The following MYO7B variants were observed in gnomAD, a reference collection of about 807,000 sequenced individuals.
MYO7B encodes the protein myosin VIIB, also known as unconventional myosin-VIIb.
Under a neutral mutation model 259.7 loss-of-function variants are expected in MYO7B, and 212 were observed. The observed-to-expected ratio is 0.82, with a 90% CI of 0.73 to 0.91. The LOEUF is 0.91. Ranked by LOEUF, MYO7B falls within the 40% of genes least tolerant of loss-of-function variation. The pLI, the probability that MYO7B is intolerant of heterozygous loss-of-function variation, is 0.00. For synonymous variants in MYO7B, 1,197 were observed against 1,166.4 expected (o/e 1.03, Z -0.54); for missense variants, 2,732 against 2,813.5 (o/e 0.97, Z 0.66).
intron 19 of MYO7B, 49 bp from the exon 20 acceptor site, chr2:127,605,795 T>C: frequency 6.4e-7 from 1 of 1,564,772 alleles, no homozygotes; most frequent in African/African-American, 1.4e-5. Flanking sequence ...TCAGAAGCTT[T>C]AAACCATCTG....
At chr2:127,562,688 AT>A (rs2104857490) in intron 2 of MYO7B, among the ~76,000 whole-genome samples, 1 of 151,748 alleles carries the variant, frequency 6.6e-6, no homozygotes, top group Non-Finnish European at 1.5e-5. Context: ...GGGTTTCACT[AT>A]GTTGGCCAGG....
rs1274612100 is a variant in MYO7B, at chr2:127,636,091, G to A, written c.6007-117G>A. The A allele has an allele frequency of 2.8e-6, 3 of 1,090,758 alleles. No homozygotes were observed. The highest frequency in any genetic ancestry group is 4.0e-6 in the Non-Finnish European group (3 of 748,858). The allele number at this position is 1,090,758 out of a possible 1,614,324, so 67.6% of individuals were successfully genotyped here. A position where few individuals can be genotyped will look rare whatever the true frequency, so the allele number is the denominator to read the frequency against. ...CACAGCACCGAGACTGTCCCATGCT[G>A]CATTCCTCCCCTCCCCTCCCCACCG... is the stretch of plus-strand genomic sequence containing the variant. On this transcript the variant is annotated intron_variant, in intron 44 of 47. Transcript: ENST00000409816. The surrounding 1 kb of genome is among the most constrained non-coding windows in gnomAD (Gnocchi z 4.5).
chr2:127,619,706 A>T (rs1680753110), intron 26 of MYO7B, among the ~76,000 whole-genome samples: 1 of 152,064 alleles, frequency 6.6e-6, no homozygotes, highest in Admixed American at 6.5e-5. Context: ...CACACCACTG[A>T]GTATTAGGGG....
At chr2:127,554,329 C>T (rs1693559184) in intron 1 of MYO7B, among the ~76,000 whole-genome samples, 1 of 152,222 alleles carries the variant, frequency 6.6e-6, no homozygotes, top group African/African-American at 2.4e-5. Flanking sequence ...CTGCCTCAGC[C>T]TCCCAAAGTA....
chr2:127,550,512 C>T (rs1302775293), intron 1 of MYO7B, among the ~76,000 whole-genome samples: 1 of 151,082 alleles, frequency 6.6e-6, no homozygotes, highest in African/African-American at 2.4e-5. Context: ...GGGCTGGGAT[C>T]ACGCAACTGC....
At position 127,627,832 on chromosome 2, in the gene MYO7B, AGCGC is replaced by A. The variant is rs1314800429; in HGVS notation, c.4460+523_4460+526del. 2.2e-6 allele frequency: 1 copy of A among 457,914 alleles called. No individual in the cohort carries two copies. The allele number at this position is 457,914 out of a possible 1,614,324, so 28.4% of individuals were successfully genotyped here. A position where few individuals can be genotyped will look rare whatever the true frequency, so the allele number is the denominator to read the frequency against. On this transcript the variant is annotated intron_variant, in intron 33 of 47. Coordinates refer to ENST00000409816, the MANE Select transcript of MYO7B (RefSeq NM_001393586.1). This position sits in a 1 kb window ranked among gnomAD's most constrained non-coding sequence, Gnocchi z 5.6. ...GGAAGTCCCACCCAAGCCCTGCCAGAGCGCCCCTTGGTTGAAGCACACAACAGAG... is the reference window on the plus strand; with the variant it reads ...GGAAGTCCCACCCAAGCCCTGCCAGACCCTTGGTTGAAGCACACAACAGAG...
At chr2:127,587,568 C>CTTTTTT (rs61624532) in intron 14 of MYO7B, among the ~76,000 whole-genome samples, 1 of 122,424 alleles carries the variant, frequency 8.2e-6, no homozygotes, top group Non-Finnish European at 1.7e-5. Context: ...TTCTTTCTTT[C>CTTTTTT]TTTTTTTTTT....
intron 7 of MYO7B, 78 bp downstream of exon 7, chr2:127,574,140 C>T (rs1212225516): frequency 1.6e-5 from 24 of 1,545,494 alleles, no homozygotes; most frequent in Non-Finnish European, 2.0e-5. Flanking sequence ...CCCACTCTCA[C>T]CTCTCCTCCC....
rs1318775924 is a variant in MYO7B at position 127,611,763 on chromosome 2, T to G, written c.3193-487T>G. 6.6e-6 allele frequency among the ~76,000 whole-genome samples: 1 copy of G among 152,080 alleles called. No homozygotes were observed. Among genetic ancestry groups the G allele is most frequent in the Non-Finnish European group, 1.5e-5 (1 of 67,998 alleles). On this transcript the variant is annotated intron_variant, in intron 24 of 47. Coordinates refer to ENST00000409816, the MANE Select transcript of MYO7B (RefSeq NM_001393586.1). This position sits in a 1 kb window ranked among gnomAD's most constrained non-coding sequence, Gnocchi z 5.4. ...AACAGATCGTAGTGGCTGCAGCCAG[T>G]CCCTCCCTCCTACCTGGCCTCTCAA... is the stretch of plus-strand genomic sequence containing the variant.
chr2:127,576,190 CCTT>C lies in MYO7B; in HGVS notation c.736-402_736-400del, dbSNP rs1678858333. On this transcript the variant is annotated intron_variant, in intron 7 of 47. Transcript: ENST00000409816. This position sits in a 1 kb window ranked among gnomAD's most constrained non-coding sequence, Gnocchi z 4.9. ...CTCTAGCTTGGGTGACAGAGCAAGA[CCTT>C]CTCTCGGAAAAAAAAAAAATACTGA... Among the ~76,000 whole-genome samples the C allele has an allele frequency of 6.6e-6, 1 of 151,628 alleles. No individual in the cohort carries two copies. The highest frequency in any genetic ancestry group is 6.6e-5 in the Admixed American group (1 of 15,228).
chr2:127,557,647 T>C (rs988944281), intron 1 of MYO7B, among the ~76,000 whole-genome samples: 2 of 152,096 alleles, frequency 1.3e-5, no homozygotes, highest in Non-Finnish European at 1.5e-5. Flanking sequence ...AAAATAGGCA[T>C]ATAGACCAAT....
chr2:127,633,134 C>T, intron 39 of MYO7B, 124 bp from the exon 40 acceptor site: 1 of 742,586 alleles, frequency 1.3e-6, no homozygotes, highest in South Asian at 1.8e-5. Flanking sequence ...CTGGAACCAC[C>T]CCAGTGATGG....
Position 127,576,836 on chromosome 2 carries a change from C to A in MYO7B, c.849+128C>A. 1 of 622,018 alleles carries A rather than the reference C, an allele frequency of 1.6e-6. No homozygotes were observed. Among genetic ancestry groups the A allele is most frequent in the South Asian group, 2.1e-5 (1 of 48,556 alleles). The allele number at this position is 622,018 out of a possible 1,614,324, so 38.5% of individuals were successfully genotyped here. ...CCGGGCCCCTGAGGCGGGGCTGGTTCCCTTTGCCTCTCCTCGCCAGCCCCT... is the reference window on the plus strand; with the variant it reads ...CCGGGCCCCTGAGGCGGGGCTGGTTACCTTTGCCTCTCCTCGCCAGCCCCT... On this transcript the variant is annotated intron_variant, in intron 8 of 47. Coordinates refer to ENST00000409816, the MANE Select transcript of MYO7B (RefSeq NM_001393586.1). This position sits in a 1 kb window ranked among gnomAD's most constrained non-coding sequence, Gnocchi z 4.9.
At chr2:127,554,168 G>A (rs1171303585) in intron 1 of MYO7B, among the ~76,000 whole-genome samples, 4 of 152,090 alleles carry the variant, frequency 2.6e-5, no homozygotes, top group African/African-American at 4.8e-5. Context: ...TCTGCCTCCC[G>A]GGTTTAAGCG....
rs114421319 is a variant in MYO7B at position 127,560,784 on chromosome 2, G to A, written c.18+1044G>A. On this transcript the variant is annotated intron_variant, in intron 2 of 47. Transcript: ENST00000409816. ...GTGCTCTTTGATAAGAAAATGCCCC[G>A]AATGTTCTCCTCCTGAGTGCAAAGC... Among the ~76,000 whole-genome samples, 385 of 152,282 alleles carry A rather than the reference G, an allele frequency of 2.5e-3. 1 individual carries two copies. Among genetic ancestry groups the A allele is most frequent in the African/African-American group, 3.8e-3 (158 of 41,550 alleles).
chr2:127,549,153 T>A (rs1693350192), intron 1 of MYO7B, among the ~76,000 whole-genome samples: 1 of 44,838 alleles, frequency 2.2e-5, no homozygotes, highest in Non-Finnish European at 4.2e-5. Flanking sequence ...TCTTTCTTCC[T>A]TCCTTCCTTC....
chr2:127,581,184 T>C (rs1323883553), intron 10 of MYO7B, among the ~76,000 whole-genome samples: 1 of 152,096 alleles, frequency 6.6e-6, no homozygotes, highest in African/African-American at 2.4e-5. Flanking sequence ...CCCTGTGCCC[T>C]CACCCCGCAG....
At position 127,627,760 on chromosome 2, in the gene MYO7B, T is replaced by C. The variant is rs201905024; in HGVS notation, c.4460+450T>C. The C allele has an allele frequency of 1.9e-4, 89 of 458,280 alleles. 1 individual carries two copies. Among genetic ancestry groups the C allele is most frequent in the Non-Finnish European group, 3.5e-4 (79 of 228,232 alleles). 28.4% of individuals were successfully genotyped at this position (458,280 alleles called of 1,614,324 possible). A position where few individuals can be genotyped will look rare whatever the true frequency, so the allele number is the denominator to read the frequency against. On this transcript the variant is annotated intron_variant, in intron 33 of 47. Coordinates refer to ENST00000409816, the MANE Select transcript of MYO7B (RefSeq NM_001393586.1). The surrounding 1 kb of genome is among the most constrained non-coding windows in gnomAD (Gnocchi z 5.6). ...AGGCTGGGGCTGACCCCCACTCCCA[T>C]GGGTCTCCATGGATCTCATTGACTG...
In MYO7B at chr2:127,559,032, C is replaced by T. The variant is rs576032701; in HGVS notation, c.-23-668C>T. 3.3e-5 allele frequency among the ~76,000 whole-genome samples: 5 copies of T among 152,272 alleles called. No individual in the cohort carries two copies. Among genetic ancestry groups the T allele is most frequent in the Admixed American group, 2.0e-4 (3 of 15,292 alleles). ...CTGGTACCCACCTTGCACTGCTCAG[C>T]GCAGGGAGGGGAAGCTGCCAACACT... On this transcript the variant is annotated intron_variant, in intron 1 of 47. Coordinates refer to ENST00000409816, the MANE Select transcript of MYO7B (RefSeq NM_001393586.1). This position sits in a 1 kb window ranked among gnomAD's most constrained non-coding sequence, Gnocchi z 4.1.
Sources: allele counts gnomAD v4.1 joint callset (sites outside exome capture counted in the v4.1 genomes callset), GRCh38; gene constraint gnomAD v4.1.1; non-coding constraint Gnocchi (gnomAD v3.1); transcripts MANE v1.5; gene names NCBI Gene and HGNC (gene_info 2026-07-23, HGNC 2026-07-21).